The following NMBR variants were observed in gnomAD, a reference collection of about 807,000 sequenced individuals.
NMBR encodes the protein neuromedin B receptor, also known as neuromedin-B receptor.
A neutral mutation model predicts 20.5 loss-of-function variants in NMBR; 16 were observed. That is an observed-to-expected ratio of 0.78 (90% CI 0.53 to 1.19). The LOEUF (loss-of-function observed/expected upper bound fraction) is 1.19, where lower values mean the gene tolerates loss of function less well. NMBR is among the 50% of genes most tolerant of loss of function. The probability of loss-of-function intolerance (pLI) is 0.00; values close to 1 mark genes in which losing one functional copy is unlikely to be tolerated. For missense variants in NMBR, 582 were observed against 499.1 expected (o/e 1.17, Z -1.58); for synonymous variants, 212 against 196.6 (o/e 1.08, Z -0.65).
At position 142,078,735 on chromosome 6, in the gene NMBR, T is replaced by C. The variant is rs1562389720; in HGVS notation, c.591A>G (p.Ala197=). Residue 197 remains alanine (A), a synonymous_variant, in exon 3 of 4, where the codon GCA becomes GCG. Coordinates refer to ENST00000258042, the MANE Select transcript of NMBR (RefSeq NM_002511.4). ...ISSLDNSSFT[A]CIPYPQTDEL... ...CATCTGTTTGAGGGTATGGGATACA[T>C]GCTGTGAAGCTGCTATTATCCAAGC... 1.2e-6 allele frequency: 2 copies of C among 1,614,074 alleles called. No individual in the cohort carries two copies. Among genetic ancestry groups the C allele is most frequent in the Non-Finnish European group, 1.7e-6 (2 of 1,180,030 alleles).
chr6:142,094,781 T>A (rs1328326653), intron 1 of NMBR, among the ~76,000 whole-genome samples: 1 of 152,204 alleles, frequency 6.6e-6, no homozygotes, highest in Non-Finnish European at 1.5e-5. Context: ...TTCCTACCCA[T>A]GAGCATGGAA....
In NMBR at chr6:142,088,443, G is replaced by A. The variant is rs769867760; in HGVS notation, c.216C>T (p.Ser72=). 4.3e-6 allele frequency: 7 copies of A among 1,614,010 alleles called. 1 individual carries two copies. Among genetic ancestry groups the A allele is most frequent in the Middle Eastern group, 3.3e-4 (2 of 6,062 alleles). The change falls in exon 2 of 4, where the codon AGC becomes AGT. Residue 72 remains serine (S), a synonymous_variant. Coordinates refer to ENST00000258042, the MANE Select transcript of NMBR (RefSeq NM_002511.4). ...IMLVKIFITN[S]AMRSVPNIFI... ...AGATGTTGGGGACGCTCCTCATGGC[G>A]CTGTTGGTGATGAAGATCTTCACCA...
chr6:142,134,148 A>C, intron 1 of NMBR: 1 of 503,492 alleles, frequency 2.0e-6, no homozygotes, highest in Admixed American at 3.4e-5. Context: ...GTTCCTAAGG[A>C]TTATGTTACT....
intron 2 of NMBR, among the ~76,000 whole-genome samples, chr6:142,085,149 C>T (rs1259951034): frequency 6.6e-6 from 1 of 152,196 alleles, no homozygotes; most frequent in African/African-American, 2.4e-5. Flanking sequence ...TGAGGCATGA[C>T]TGCAGTGGGC....
intron 1 of NMBR, among the ~76,000 whole-genome samples, chr6:142,091,074 TA>T (rs777828098): frequency 6.6e-6 from 1 of 152,166 alleles, no homozygotes; most frequent in Non-Finnish European, 1.5e-5. Context: ...AATATTTTAA[TA>T]ATTTTTTTGG....
chr6:142,136,151 G>C (rs1778250442), intron 1 of NMBR, among the ~76,000 whole-genome samples: 1 of 152,148 alleles, frequency 6.6e-6, no homozygotes, highest in African/African-American at 2.4e-5. Context: ...ATCCTCTCCA[G>C]CATCTGTTGT....
At chr6:142,125,466 C>CATGCATATACACATATACATGTGA (rs2114601611) in intron 1 of NMBR, among the ~76,000 whole-genome samples, 1 of 152,058 alleles carries the variant, frequency 6.6e-6, no homozygotes, top group Non-Finnish European at 1.5e-5. Context: ...TATACATGTG[C>CATGCATATACACATATACATGTGA]ATGCATATAC....
At chr6:142,140,209 CAAAAT>C (rs1039159708) in intron 1 of NMBR, among the ~76,000 whole-genome samples, 10 of 151,776 alleles carry the variant, frequency 6.6e-5, no homozygotes, top group Admixed American at 5.9e-4. Context: ...AGAAAACAAA[CAAAAT>C]AAAATAAATA....
intron 1 of NMBR, among the ~76,000 whole-genome samples, chr6:142,093,081 C>A (rs891542160): frequency 2.0e-5 from 3 of 151,804 alleles, no homozygotes; most frequent in African/African-American, 7.3e-5. Context: ...AGCTTAAAAG[C>A]AAGGATTAAA....
At chr6:142,136,254 G>A (rs908384855) in intron 1 of NMBR, among the ~76,000 whole-genome samples, 2 of 152,202 alleles carry the variant, frequency 1.3e-5, no homozygotes, top group Non-Finnish European at 2.9e-5. Context: ...CAGTGATGAT[G>A]AGCATTTTTT....
At chr6:142,093,530 A>G (rs1777378966) in intron 1 of NMBR, among the ~76,000 whole-genome samples, 1 of 151,354 alleles carries the variant, frequency 6.6e-6, no homozygotes, top group African/African-American at 2.4e-5. Flanking sequence ...TATGTGCCAC[A>G]TTTTCTTAAT....
intron 2 of NMBR, among the ~76,000 whole-genome samples, chr6:142,079,110 G>GAGAGAGAGAGAAAGAAAGAAAGAA (rs796074673): frequency 3.9e-4 from 27 of 69,246 alleles, no homozygotes; most frequent in African/African-American, 3.1e-3. Flanking sequence ...GAGAGAGAAA[G>GAGAGAGAGAGAAAGAAAGAAAGAA]AAAGAAAGAA....
intron 1 of NMBR, among the ~76,000 whole-genome samples, chr6:142,141,223 T>C (rs1001128894): frequency 1.3e-5 from 2 of 152,158 alleles, no homozygotes; most frequent in Non-Finnish European, 2.9e-5. Context: ...CTATAGTCTC[T>C]GGTCACAATG....
intron 1 of NMBR, among the ~76,000 whole-genome samples, chr6:142,120,931 T>C (rs1042510278): frequency 6.6e-6 from 1 of 151,966 alleles, no homozygotes; most frequent in African/African-American, 2.4e-5. Context: ...TTGCAGATAC[T>C]GCATTTTTTA....
At chr6:142,090,751 TA>T (rs1481145542) in intron 1 of NMBR, among the ~76,000 whole-genome samples, 1 of 151,752 alleles carries the variant, frequency 6.6e-6, no homozygotes, top group Non-Finnish European at 1.5e-5. Context: ...CTATACAGAA[TA>T]AATTACTAAA....
chr6:142,139,436 G>T (rs942376631), intron 1 of NMBR, among the ~76,000 whole-genome samples: 14 of 152,244 alleles, frequency 9.2e-5, no homozygotes, highest in African/African-American at 3.4e-4. Flanking sequence ...TTCTTTTCCT[G>T]TAAAGATATT....
intron 1 of NMBR, among the ~76,000 whole-genome samples, chr6:142,104,021 C>G (rs1051290048): frequency 6.6e-6 from 1 of 152,102 alleles, no homozygotes; most frequent in Admixed American, 6.6e-5. Flanking sequence ...CTTTCAGAAA[C>G]TGCATTAGAA....
intron 1 of NMBR, among the ~76,000 whole-genome samples, chr6:142,135,944 C>T (rs1227664859): frequency 5.9e-5 from 9 of 151,758 alleles, no homozygotes; most frequent in African/African-American, 1.9e-4. Flanking sequence ...TGAATAGTGC[C>T]ACAATAAACA....
At chr6:142,105,856 T>C (rs2114584956) in intron 1 of NMBR, among the ~76,000 whole-genome samples, 1 of 152,274 alleles carries the variant, frequency 6.6e-6, no homozygotes, top group East Asian at 1.9e-4. Flanking sequence ...GTTCTTCAAA[T>C]TAGTGCTTAT....
Sources: gnomAD v4.1 joint callset for allele counts (sites outside exome capture counted in the v4.1 genomes callset) on GRCh38, gnomAD v4.1.1 for gene constraint, MANE v1.5 for transcripts, NCBI Gene and HGNC (gene_info 2026-07-23, HGNC 2026-07-21) for gene names.